Variants in ENAH observed in about 807,000 individuals in gnomAD.
ENAH encodes protein enabled homolog.
Under a neutral mutation model 78.7 loss-of-function variants are expected in ENAH, and 23 were observed. The ratio of observed to expected loss-of-function variants is 0.29; its 90% CI spans 0.21 to 0.41. The LOEUF is 0.41. Ranked by LOEUF, ENAH falls within the 10% of genes least tolerant of loss-of-function variation. The probability of loss-of-function intolerance (pLI) is 1.00; values close to 1 mark genes in which losing one functional copy is unlikely to be tolerated. For synonymous variants in ENAH, 226 were observed against 241.0 expected, an observed-to-expected ratio of 0.94 and a Z score of 0.58; for missense variants, 544 against 691.0, an observed-to-expected ratio of 0.79 and a Z score of 2.39.
intron 11 of ENAH, among the ~76,000 whole-genome samples, chr1:225,503,676 AAACAC>A (rs751510229): frequency 0.032 from 4,740 of 148,986 alleles, 120 homozygotes; most frequent in South Asian, 0.089. Flanking sequence ...AAAAAAAAAA[AAACAC>A]AAAACTATTT....
Position 225,615,082 on chromosome 1 carries a change from T to C in ENAH, c.5+37604A>G, listed in dbSNP as rs377121116. 2.6e-3 allele frequency among the ~76,000 whole-genome samples: 392 copies of C among 152,192 alleles called. 4 individuals carry two copies. Among genetic ancestry groups the C allele is most frequent in the African/African-American group, 9.2e-3 (383 of 41,518 alleles). On this transcript the variant is annotated intron_variant, in intron 1 of 13. Transcript: ENST00000366843. ...TCTCCCTCTCTCTCCACGGTCTCCC[T>C]CTGATGCCGAGCGGAGGCTGGACTG...
chr1:225,529,454 AAAAAT>A (rs1367192473), intron 4 of ENAH, among the ~76,000 whole-genome samples: 7 of 152,174 alleles, frequency 4.6e-5, no homozygotes, highest in South Asian at 2.1e-4. Context: ...TAATGGACGG[AAAAAT>A]AAAATAAAAT....
At chr1:225,599,864 G>C (rs1188499178) in intron 1 of ENAH, among the ~76,000 whole-genome samples, 1 of 151,308 alleles carries the variant, frequency 6.6e-6, no homozygotes, top group Non-Finnish European at 1.5e-5. Context: ...GAAGGTGTCT[G>C]GATCATGGGG....
At chr1:225,616,014 A>T (rs1481214960) in intron 1 of ENAH, among the ~76,000 whole-genome samples, 1 of 152,188 alleles carries the variant, frequency 6.6e-6, no homozygotes, top group African/African-American at 2.4e-5. Flanking sequence ...GGATGCTGTT[A>T]ATCTATAACC....
chr1:225,581,082 C>T (rs752934915), intron 1 of ENAH, among the ~76,000 whole-genome samples: 5 of 151,840 alleles, frequency 3.3e-5, no homozygotes, highest in South Asian at 2.1e-4. Context: ...AAACCTAAAC[C>T]GTCATTCACA....
chr1:225,601,272 G>T (rs1422793652), intron 1 of ENAH, among the ~76,000 whole-genome samples: 4 of 152,132 alleles, frequency 2.6e-5, no homozygotes, highest in African/African-American at 4.8e-5. Context: ...TGTAATCCCA[G>T]CAGTTTGGGA....
intron 1 of ENAH, among the ~76,000 whole-genome samples, chr1:225,570,819 C>T (rs1375870676): frequency 2.0e-5 from 3 of 151,496 alleles, no homozygotes. Flanking sequence ...AAAAATTAGC[C>T]AGGTCTGGTG....
chr1:225,581,096 T>C (rs1167940129), intron 1 of ENAH, among the ~76,000 whole-genome samples: 2 of 151,842 alleles, frequency 1.3e-5, no homozygotes, highest in Non-Finnish European at 2.9e-5. Context: ...ATTCACAGCA[T>C]GAGAGTTCAC....
chr1:225,512,536 TTAGCAAATATAAGTTCAAA>T, intron 9 of ENAH, 102 bp downstream of exon 9: 1 of 992,718 alleles, frequency 1.0e-6, no homozygotes, highest in Non-Finnish European at 1.4e-6. Flanking sequence ...TAGTTAAAAA[TTAGCAAATATAAGTTCAAA>T]CTAATTAAGC....
chr1:225,502,269 T>C (rs768458440), intron 11 of ENAH, among the ~76,000 whole-genome samples: 55 of 152,268 alleles, frequency 3.6e-4, no homozygotes, highest in Non-Finnish European at 5.9e-4. Flanking sequence ...TGGAGTGCAG[T>C]GGTGCGATCT....
chr1:225,543,068 C>T (rs1468108788), intron 3 of ENAH, among the ~76,000 whole-genome samples: 2 of 151,580 alleles, frequency 1.3e-5, no homozygotes, highest in African/African-American at 4.8e-5. Flanking sequence ...GATAGGAAGC[C>T]ATTGCAGGGT....
intron 2 of ENAH, among the ~76,000 whole-genome samples, chr1:225,563,748 C>T (rs1025017921): frequency 5.3e-5 from 8 of 152,134 alleles, no homozygotes; most frequent in Non-Finnish European, 1.2e-4. Flanking sequence ...CTCTCCCAAA[C>T]GTGTTCTGTG....
rs2096275631 is a variant in ENAH at position 225,500,439 on chromosome 1, T to TTC, written c.1617+552_1617+553insGA. On this transcript the variant is annotated intron_variant, in intron 12 of 13. Transcript: ENST00000366843. Reference sequence around the variant, plus strand: ...ACAATTTACTATTAAGCATACTAAATTATGATCCCTTGAAGCCTACAGAGC... The same window carrying TTC: ...ACAATTTACTATTAAGCATACTAAATTCTATGATCCCTTGAAGCCTACAGAGC... 2.0e-5 allele frequency among the ~76,000 whole-genome samples: 3 copies of TTC among 152,232 alleles called. No homozygotes were observed. The South Asian group carries it at 6.2e-4, about 32-fold the overall frequency.
At chr1:225,585,215 CAAAAAAAAAAAAAAAAAA>C (rs58586397) in intron 1 of ENAH, among the ~76,000 whole-genome samples, 8 of 49,918 alleles carry the variant, frequency 1.6e-4, no homozygotes, top group East Asian at 1.4e-3. Flanking sequence ...TACCCTGTCT[CAAAAAAAAAAAAAAAAAA>C]AAAAAAAAAA....
rs373018201 is a variant in ENAH at position 225,567,414 on chromosome 1, A to G, written c.6T>C (p.Ser2=). The part of the protein sequence containing the change: M[S]EQSICQARAA... ...CTCTTGCCTGACAGATACTCTGTTC[A>G]CTGTAAAAAATAAAATAAAATATTC... The change falls in exon 2 of 14, where the codon AGT becomes AGC. Residue 2 remains serine (S), a splice_region_variant and synonymous_variant. Coordinates refer to ENST00000366843, the MANE Select transcript of ENAH (RefSeq NM_018212.6). 15 of 1,599,740 alleles carry G rather than the reference A, an allele frequency of 9.4e-6. No individual in the cohort carries two copies. The African/African-American group carries it at 1.8e-4, about 19-fold the overall frequency.
At position 225,554,916 on chromosome 1, in the gene ENAH, T is replaced by C; in HGVS notation, c.339A>G (p.Ser113=). Residue 113 remains serine (S), a synonymous_variant, in exon 3 of 14, where the codon TCA becomes TCG. Transcript: ENST00000366843. ...CCATGGGCACCTTACCTGTTTCCTG[T>C]GAATTTAACACTTCTAAGGCATGCA... The part of the protein sequence containing the change: ...AMMHALEVLN[S]QETGPTLPRQ... 2 of 1,534,680 alleles carry C rather than the reference T, an allele frequency of 1.3e-6. No individual in the cohort carries two copies. The highest frequency in any genetic ancestry group is 2.3e-5 in the East Asian group (1 of 43,802).
intron 1 of ENAH, among the ~76,000 whole-genome samples, chr1:225,613,931 G>T (rs1354069827): frequency 1.3e-5 from 2 of 152,186 alleles, no homozygotes; most frequent in Non-Finnish European, 2.9e-5. Context: ...GCCCCAGGTT[G>T]TGACCTGTGC....
intron 3 of ENAH, among the ~76,000 whole-genome samples, chr1:225,544,523 C>T (rs994407030): frequency 2.0e-5 from 3 of 152,178 alleles, no homozygotes; most frequent in Non-Finnish European, 4.4e-5. Flanking sequence ...TGACAACAAA[C>T]TCCAGGCTAA....
intron 1 of ENAH, 41 bp downstream of exon 1, chr1:225,652,645 G>A: frequency 7.9e-7 from 1 of 1,265,202 alleles, no homozygotes; most frequent in Non-Finnish European, 1.0e-6. Flanking sequence ...GGCTCCCGCG[G>A]CACAATGGCC....
Sources: allele counts gnomAD v4.1 joint callset (sites outside exome capture counted in the v4.1 genomes callset), GRCh38; gene constraint gnomAD v4.1.1; transcripts MANE v1.5; gene names NCBI Gene and HGNC (gene_info 2026-07-23, HGNC 2026-07-21).